The following KRT73 variants were observed in gnomAD, a reference collection of about 807,000 sequenced individuals.
KRT73 encodes the protein keratin, type II cytoskeletal 73.
KRT73 carries 44 observed loss-of-function variants against 47.2 expected under a neutral mutation model. That is an observed-to-expected ratio of 0.93 (90% confidence interval 0.73 to 1.20). KRT73 has a LOEUF of 1.20. Ranked by LOEUF, KRT73 falls within the 50% of genes most tolerant of loss-of-function variation. The pLI is 0.00. For synonymous variants in KRT73, 285 were observed against 291.3 expected, an observed-to-expected ratio of 0.98 and a Z score of 0.22; for missense variants, 713 against 704.5, an observed-to-expected ratio of 1.01 and a Z score of -0.14.
intron 5 of KRT73, chr12:52,612,838 C>T (rs1940729963): frequency 2.0e-5 from 3 of 152,200 alleles, no homozygotes; most frequent in Non-Finnish European, 4.4e-5. Context: ...TGGTAAGTAG[C>T]TTGAACTCCC....
chr12:52,627,523 A>G, the KRT73 span, among the ~76,000 whole-genome samples: 1 of 152,154 alleles, frequency 6.6e-6, no homozygotes, highest in Non-Finnish European at 1.5e-5. Context: ...TCTGGACTCC[A>G]AGTGCAGTGC....
chr12:52,614,339 G>T (rs1940766200), intron 4 of KRT73: 1 of 469,936 alleles, frequency 2.1e-6, no homozygotes, highest in Admixed American at 3.8e-5. Flanking sequence ...GAAGTTCAGT[G>T]GGAACCCTTT....
chr12:52,618,264 G>A lies in KRT73; in HGVS notation c.261C>T (p.Gly87=). ...GACACACGGACCCCAAGGCCACACT[G>A]CCAAACATGCTGCCAGCAAAGCCAC... ...RASGFAGSMF[G]SVALGSVCPS... Residue 87 remains glycine, a synonymous_variant, in exon 1 of 9, where the codon GGC becomes GGT. Transcript: ENST00000305748. 6.2e-6 allele frequency: 10 copies of A among 1,614,176 alleles called. No individual in the cohort carries two copies. Among genetic ancestry groups the A allele is most frequent in the Non-Finnish European group, 8.5e-6 (10 of 1,180,030 alleles).
upstream of KRT73, among the ~76,000 whole-genome samples, chr12:52,620,109 C>A (rs547486122): frequency 1.1e-5 from 1 of 94,446 alleles, no homozygotes; most frequent in Non-Finnish European, 2.0e-5. Flanking sequence ...TCCTTTTTTT[C>A]TTTTTTTTTT....
rs758072157 is a variant in KRT73 at position 52,616,376 on chromosome 12, C to T, written c.452G>A (p.Arg151Gln). ...NKFASFIDKVRFLEQQNQVLE... is the reference protein window; with the variant it reads ...NKFASFIDKVQFLEQQNQVLE... ...CACCTGGTTCTGCTGCTCCAGGAAC[C>T]GCACCTGGAACCCATGCCACACATA... The change falls in exon 2 of 9, where the codon CGG (arginine) becomes CAG (glutamine). Residue 151 changes from arginine (R) to glutamine (Q), a missense_variant. Physicochemically the swap from Arg to Gln is conservative, Grantham distance 43 (BLOSUM62 1). Transcript: ENST00000305748. The T allele has an allele frequency of 3.1e-6, 5 of 1,614,000 alleles. No individual in the cohort carries two copies. The highest frequency in any genetic ancestry group is 4.5e-5 in the East Asian group (2 of 44,888).
Position 52,608,216 on chromosome 12 carries a change from T to C in KRT73, c.1603A>G (p.Thr535Ala). The change falls in exon 9 of 9, where the codon ACC becomes GCC. Residue 535 changes from threonine (T) to alanine (A), a missense_variant. Coordinates refer to ENST00000305748, the MANE Select transcript of KRT73 (RefSeq NM_175068.3). ...CACTTTTATCTCATGGTTTTTTTGG[T>C]GGGTGAGCTTAGAGCTAAGGTCTTT... ...QGKTLALSSP[T>A]KKTMR 6.2e-7 allele frequency: 1 copy of C among 1,612,486 alleles called. No homozygotes were observed. Among genetic ancestry groups the C allele is most frequent in the Non-Finnish European group, 8.5e-7 (1 of 1,179,268 alleles).
intron 1 of KRT73, among the ~76,000 whole-genome samples, chr12:52,617,804 T>C (rs1436502769): frequency 2.0e-5 from 3 of 152,172 alleles, no homozygotes; most frequent in African/African-American, 2.4e-5. Context: ...CTGGGCTATG[T>C]CTGCATCCTG....
intron 5 of KRT73, chr12:52,611,552 G>A (rs1178619436): frequency 5.4e-6 from 3 of 558,248 alleles, no homozygotes; most frequent in Non-Finnish European, 9.6e-6. Context: ...CATAAGGACT[G>A]TTGAATGTCC....
chr12:52,608,891 C>T (rs1940639138), intron 8 of KRT73, among the ~76,000 whole-genome samples: 1 of 152,202 alleles, frequency 6.6e-6, no homozygotes, highest in Admixed American at 6.5e-5. Context: ...GTGGTCCACA[C>T]ACCAGTCTCC....
Position 52,618,274 on chromosome 12 carries a change from C to T in KRT73, c.251G>A (p.Ser84Asn), listed in dbSNP as rs1940850627. 3 of 1,614,094 alleles carry T rather than the reference C, an allele frequency of 1.9e-6. No individual in the cohort carries two copies. The highest frequency in any genetic ancestry group is 1.7e-5 in the Admixed American group (1 of 60,012). Residue 84 changes from serine to asparagine, a missense_variant, in exon 1 of 9, where the codon AGC becomes AAC. By Grantham distance (46) the Ser-to-Asn change is conservative. Transcript: ENST00000305748. ...GRGRASGFAG[S>N]MFGSVALGSV... ...CCCCAAGGCCACACTGCCAAACATG[C>T]TGCCAGCAAAGCCACTGGCCCGGCC...
chr12:52,615,370 G>GTGTGTC (rs758839584), intron 2 of KRT73, 31 bp from the exon 3 acceptor site: 26 of 1,549,964 alleles, frequency 1.7e-5, no homozygotes, highest in Non-Finnish European at 2.3e-5. Context: ...GAAGCAGAGT[G>GTGTGTC]TGTGTCTGTG....
chr12:52,628,244 T>C, the KRT73 span, among the ~76,000 whole-genome samples: 274 of 152,194 alleles, frequency 1.8e-3, 1 homozygote, highest in African/African-American at 6.2e-3. Context: ...TTCTGCTATG[T>C]TTTTATACTC....
upstream of KRT73, among the ~76,000 whole-genome samples, chr12:52,622,617 G>T (rs761845538): frequency 1.3e-5 from 2 of 152,202 alleles, no homozygotes; most frequent in Non-Finnish European, 2.9e-5. Context: ...CTTCCCTGGG[G>T]TTGTGTATAA....
rs550067765 is a variant in KRT73 at position 52,611,307 on chromosome 12, G to T, written c.1007C>A (p.Ala336Asp). 6.2e-7 allele frequency: 1 copy of T among 1,614,120 alleles called. No individual in the cohort carries two copies. The highest frequency in any genetic ancestry group is 8.5e-7 in the Non-Finnish European group (1 of 1,180,012). Residue 336 changes from alanine (A) to aspartate (D), a missense_variant, in exon 6 of 9, where the codon GCC becomes GAC. Transcript: ENST00000305748. Reference sequence around the variant, plus strand: ...TTTCAGGTCATCCCCATGCCGGCCGGCTGCTAGCTGCAGCTCCTGGAACTA... The same window carrying T: ...TTTCAGGTCATCCCCATGCCGGCCGTCTGCTAGCTGCAGCTCCTGGAACTA... The part of the protein sequence containing the change: ...QTKFQELQLA[A>D]GRHGDDLKHT...
chr12:52,611,555 G>C, intron 5 of KRT73: 1 of 552,664 alleles, frequency 1.8e-6, no homozygotes, highest in Non-Finnish European at 3.2e-6. Context: ...AAGGACTGTT[G>C]AATGTCCCAG....
chr12:52,611,172 G>A (rs747780836), intron 6 of KRT73, 32 bp downstream of exon 6: 1 of 1,613,144 alleles, frequency 6.2e-7, no homozygotes, highest in Admixed American at 1.7e-5. Context: ...CCTCCCTTAG[G>A]AGTGAGTAAG....
At chr12:52,614,870 G>A in intron 3 of KRT73, 196 bp from the exon 4 acceptor site, 2 of 563,436 alleles carry the variant, frequency 3.5e-6, no homozygotes, top group Non-Finnish European at 6.3e-6. Context: ...CATGCCTCTG[G>A]AACTCCTTCT....
intron 3 of KRT73, chr12:52,614,964 A>C: frequency 1.9e-6 from 1 of 531,882 alleles, no homozygotes; most frequent in Non-Finnish European, 3.3e-6. Flanking sequence ...AAGGACAGCC[A>C]CGGCGATTTG....
rs775935926 is a variant in KRT73 at position 52,618,071 on chromosome 12, G to T, written c.447+7C>A. Reference sequence around the variant, plus strand: ...GCCCAAGATCAGCTTTCTCCAGAAAGACCCACCTTGTCAATGAAGGAGGCG... The same window carrying T: ...GCCCAAGATCAGCTTTCTCCAGAAATACCCACCTTGTCAATGAAGGAGGCG... On this transcript the variant is annotated splice_region_variant and intron_variant, in intron 1 of 8. Transcript: ENST00000305748. 1.2e-5 allele frequency: 20 copies of T among 1,612,992 alleles called. No individual in the cohort carries two copies. Among genetic ancestry groups the T allele is most frequent in the Non-Finnish European group, 5.9e-6 (7 of 1,179,614 alleles).
Sources: gnomAD v4.1 joint callset for allele counts (sites outside exome capture counted in the v4.1 genomes callset) on GRCh38, gnomAD v4.1.1 for gene constraint, MANE v1.5 for transcripts, NCBI Gene and HGNC (gene_info 2026-07-23, HGNC 2026-07-21) for gene names.